The following CFAP299 variants were observed in gnomAD, a reference collection of about 807,000 sequenced individuals.
CFAP299 encodes cilia and flagella associated protein 299.
A neutral mutation model predicts 27.0 loss-of-function variants in CFAP299; 21 were observed. The observed-to-expected ratio is 0.78, with a 90% CI of 0.55 to 1.12. The LOEUF is 1.12. Ranked by LOEUF, CFAP299 falls within the 50% of genes most tolerant of loss-of-function variation. The pLI is 0.00. For missense variants in CFAP299, 310 were observed against 276.6 expected (o/e 1.12, Z -0.86); for synonymous variants, 104 against 98.1 (o/e 1.06, Z -0.36).
rs369394459 is a variant in CFAP299 at position 80,447,346 on chromosome 4, G to A, written c.242+84462G>A. ...GAGACGGGGTTTCACCGTTTTAGCCGGGATGGTCTCGATCTCCTGACCTCG... is the reference window on the plus strand; with the variant it reads ...GAGACGGGGTTTCACCGTTTTAGCCAGGATGGTCTCGATCTCCTGACCTCG... On this transcript the variant is annotated intron_variant, in intron 2 of 5. Coordinates refer to ENST00000358105, the MANE Select transcript of CFAP299 (RefSeq NM_152770.3). Among the ~76,000 whole-genome samples, 944 of 150,418 alleles carry A rather than the reference G, an allele frequency of 6.3e-3. 2 individuals carry two copies. The highest frequency in any genetic ancestry group is 0.024 in the Middle Eastern group (7 of 292).
chr4:80,806,789 G>A lies in CFAP299; in HGVS notation c.334-63204G>A, dbSNP rs1026843329. On this transcript the variant is annotated intron_variant, in intron 3 of 5. Transcript: ENST00000358105. ...CGTTGAAGTAGATGGAGGTGCCACA[G>A]TATCTGTTTATTCACAGCACCCCTT... Among the ~76,000 whole-genome samples, 3 of 152,212 alleles carry A rather than the reference G, an allele frequency of 2.0e-5. No homozygotes were observed. In the East Asian group the frequency reaches 5.8e-4, roughly 29 times the overall value.
At chr4:80,799,036 T>C (rs370999872) in intron 3 of CFAP299, among the ~76,000 whole-genome samples, 160 of 147,842 alleles carry the variant, frequency 1.1e-3, no homozygotes, top group African/African-American at 3.8e-3. Flanking sequence ...CCACTCCTGG[T>C]ACCAAAATCT....
intron 3 of CFAP299, among the ~76,000 whole-genome samples, chr4:80,739,850 GT>G (rs1172842080): frequency 1.3e-5 from 2 of 151,758 alleles, no homozygotes; most frequent in South Asian, 4.2e-4. Context: ...GTGCTTCTTT[GT>G]TTTTTATTCT....
At chr4:80,672,975 A>AT (rs1344676021) in intron 3 of CFAP299, among the ~76,000 whole-genome samples, 4 of 147,518 alleles carry the variant, frequency 2.7e-5, no homozygotes, top group East Asian at 2.0e-4. Context: ...GGATTCATTG[A>AT]TTTTTTGAAG....
At chr4:80,870,369 C>A (rs1733010461) in intron 4 of CFAP299, 2 of 1,172,820 alleles carry the variant, frequency 1.7e-6, no homozygotes, top group African/African-American at 3.2e-5. Flanking sequence ...TTCCCAGTGA[C>A]ATTCCTTTTT....
chr4:80,569,637 G>A (rs1490793600), intron 2 of CFAP299, among the ~76,000 whole-genome samples: 1 of 151,886 alleles, frequency 6.6e-6, no homozygotes, highest in Admixed American at 6.6e-5. Context: ...ATTGCATGAT[G>A]CAAGGTAATA....
At chr4:80,837,086 T>C (rs187708818) in intron 3 of CFAP299, among the ~76,000 whole-genome samples, 37 of 152,172 alleles carry the variant, frequency 2.4e-4, no homozygotes, top group Non-Finnish European at 4.7e-4. Context: ...TGAGATGATG[T>C]CTTTTGAAGC....
intron 2 of CFAP299, among the ~76,000 whole-genome samples, chr4:80,575,538 T>G (rs1289121478): frequency 6.6e-6 from 1 of 152,014 alleles, no homozygotes; most frequent in African/African-American, 2.4e-5. Flanking sequence ...TCTTCTCTTT[T>G]TTTTTTCGCA....
intron 2 of CFAP299, among the ~76,000 whole-genome samples, chr4:80,433,718 T>C (rs1227870905): frequency 6.6e-6 from 1 of 151,902 alleles, no homozygotes; most frequent in Non-Finnish European, 1.5e-5. Flanking sequence ...AATTAATTTA[T>C]TTGCTCTCAG....
At chr4:80,708,211 TC>T (rs35256331) in intron 3 of CFAP299, among the ~76,000 whole-genome samples, 4 of 152,086 alleles carry the variant, frequency 2.6e-5, no homozygotes, top group African/African-American at 9.7e-5. Flanking sequence ...ACATAATGTT[TC>T]CCTGATAGAT....
chr4:80,662,420 A>T (rs1475261173), intron 3 of CFAP299, among the ~76,000 whole-genome samples: 17 of 152,126 alleles, frequency 1.1e-4, no homozygotes, highest in Admixed American at 8.5e-4. Context: ...CGAAAAAAAA[A>T]AAAAAGTGTT....
intron 3 of CFAP299, among the ~76,000 whole-genome samples, chr4:80,612,822 T>G (rs569818548): frequency 4.1e-4 from 62 of 152,200 alleles, no homozygotes; most frequent in African/African-American, 1.5e-3. Flanking sequence ...GTTCAAACCC[T>G]AATATTGTGG....
At chr4:80,450,011 C>T (rs1212511411) in intron 2 of CFAP299, among the ~76,000 whole-genome samples, 2 of 152,086 alleles carry the variant, frequency 1.3e-5, no homozygotes, top group African/African-American at 2.4e-5. Flanking sequence ...GCCTAAGTGT[C>T]CTATCTTCTT....
chr4:80,388,429 G>T, intron 2 of CFAP299: 1 of 817,366 alleles, frequency 1.2e-6, no homozygotes. Flanking sequence ...AAGGTGTGTA[G>T]ATTGTGTAGA....
At chr4:80,577,987 G>A (rs1309004259) in intron 2 of CFAP299, among the ~76,000 whole-genome samples, 2 of 152,074 alleles carry the variant, frequency 1.3e-5, no homozygotes, top group Admixed American at 1.3e-4. Context: ...CCTAATTGTT[G>A]AAGATTAATA....
At chr4:80,702,904 A>G (rs930409137) in intron 3 of CFAP299, among the ~76,000 whole-genome samples, 3 of 151,736 alleles carry the variant, frequency 2.0e-5, no homozygotes, top group Non-Finnish European at 4.4e-5. Flanking sequence ...AAAATGCTTA[A>G]CTTTCTGGAA....
chr4:80,459,390 G>A (rs1441625622), intron 2 of CFAP299, among the ~76,000 whole-genome samples: 1 of 152,192 alleles, frequency 6.6e-6, no homozygotes, highest in Non-Finnish European at 1.5e-5. Context: ...GATGCAAGAT[G>A]CCGGAAGTAT....
chr4:80,949,623 AT>A (rs1737668636), intron 5 of CFAP299, among the ~76,000 whole-genome samples: 1 of 152,148 alleles, frequency 6.6e-6, no homozygotes, highest in Non-Finnish European at 1.5e-5. Flanking sequence ...AATCGAACAC[AT>A]AAGGAGGGAA....
intron 2 of CFAP299, among the ~76,000 whole-genome samples, chr4:80,412,776 C>T (rs563691074): frequency 1.3e-5 from 2 of 152,256 alleles, no homozygotes; most frequent in South Asian, 4.2e-4. Context: ...ACACACATAC[C>T]TATTCATTCA....
Sources: gnomAD v4.1 joint callset for allele counts (sites outside exome capture counted in the v4.1 genomes callset) on GRCh38, gnomAD v4.1.1 for gene constraint, MANE v1.5 for transcripts, NCBI Gene and HGNC (gene_info 2026-07-23, HGNC 2026-07-21) for gene names.